Variants in ZNF749 observed in about 807,000 individuals in gnomAD.
The protein encoded by ZNF749 is zinc finger protein 749.
ZNF749 carries 8 observed loss-of-function variants against 7.3 expected under a neutral mutation model. The observed-to-expected ratio is 1.10, with a 90% CI of 0.64 to 1.98. The LOEUF (loss-of-function observed/expected upper bound fraction) is 1.98, where lower values mean the gene tolerates loss of function less well. ZNF749 is among the 30% of genes most tolerant of loss of function. ZNF749 has a pLI of 0.00. For synonymous variants in ZNF749, 310 were observed against 322.4 expected (o/e 0.96, Z 0.41); for missense variants, 898 against 932.4 (o/e 0.96, Z 0.48).
At position 57,445,549 on chromosome 19, in the gene ZNF749, G is replaced by T; in HGVS notation, c.*64G>T. The T allele has an allele frequency of 4.6e-6, 7 of 1,528,340 alleles. No individual in the cohort carries two copies. The highest frequency in any genetic ancestry group is 6.1e-6 in the Non-Finnish European group (7 of 1,142,616). The allele number at this position is 1,528,340 out of a possible 1,614,324, so 94.7% of individuals were successfully genotyped here. A position where few individuals can be genotyped will look rare whatever the true frequency, so the allele number is the denominator to read the frequency against. On this transcript the variant is annotated 3_prime_UTR_variant, in exon 3 of 3. Transcript: ENST00000334181. ...ATTCAGCACCAAAAGGTTCACATCGGACCAAGAACCTATTAATATATGTAA... is the reference window on the plus strand; with the variant it reads ...ATTCAGCACCAAAAGGTTCACATCGTACCAAGAACCTATTAATATATGTAA...
chr19:57,446,803 G>A lies in ZNF749; in HGVS notation c.*1318G>A, dbSNP rs2089070908. ...CCTCAGATATAAACCTTAACAGCAT[G>A]TTACAGTATTGAATATTGTAGGTAA... On this transcript the variant is annotated 3_prime_UTR_variant, in exon 3 of 3. Transcript: ENST00000334181. Among the ~76,000 whole-genome samples, 2 of 152,124 alleles carry A rather than the reference G, an allele frequency of 1.3e-5. No individual in the cohort carries two copies. Among genetic ancestry groups the A allele is most frequent in the African/African-American group, 4.8e-5 (2 of 41,416 alleles).
chr19:57,433,622 T>TC (rs2088910409), upstream of ZNF749, among the ~76,000 whole-genome samples: 1 of 151,800 alleles, frequency 6.6e-6, no homozygotes, highest in African/African-American at 2.4e-5. Flanking sequence ...TTTTTCCTTT[T>TC]TTTTTTTTTT....
Position 57,443,409 on chromosome 19 carries a change from G to A in ZNF749, c.261G>A (p.Lys87=). 2.5e-6 allele frequency: 4 copies of A among 1,614,252 alleles called. No homozygotes were observed. The highest frequency in any genetic ancestry group is 3.4e-6 in the Non-Finnish European group (4 of 1,180,040). The change falls in exon 3 of 3, where the codon AAG becomes AAA. Residue 87 remains lysine (K), a synonymous_variant. Coordinates refer to ENST00000334181, the MANE Select transcript of ZNF749 (RefSeq NM_001023561.4). ...ALSTLKAQPC[K]MCSSILKDIL... is the part of the protein sequence containing the mutation. ...CCACCCTGAAGGCCCAGCCCTGCAA[G>A]ATGTGTAGCTCAATTCTGAAGGACA...
At position 57,436,719 on chromosome 19, in the gene ZNF749, C is replaced by T. The variant is rs1441194626; in HGVS notation, c.15+1126C>T. On this transcript the variant is annotated intron_variant, in intron 1 of 2. Transcript: ENST00000334181. This position sits in a 1 kb window ranked among gnomAD's most constrained non-coding sequence, Gnocchi z 4.0. ...ACAGTTAAGGGCCTCCAGCAAGCTC[C>T]CTTTACTGCATTATATGGCAGGCTG... Among the ~76,000 whole-genome samples the T allele has an allele frequency of 6.6e-6, 1 of 152,222 alleles. No homozygotes were observed. Among genetic ancestry groups the T allele is most frequent in the East Asian group, 1.9e-4 (1 of 5,196 alleles).
intron 2 of ZNF749, among the ~76,000 whole-genome samples, chr19:57,443,042 A>C (rs2089008682): frequency 6.6e-6 from 1 of 152,156 alleles, no homozygotes; most frequent in African/African-American, 2.4e-5. Context: ...TAGAGGAGTG[A>C]GTTGGAGACC....
chr19:57,441,929 G>A lies in ZNF749; in HGVS notation c.60G>A (p.Glu20=). The A allele has an allele frequency of 6.2e-7, 1 of 1,614,150 alleles. No homozygotes were observed. The highest frequency in any genetic ancestry group is 8.5e-7 in the Non-Finnish European group (1 of 1,180,002). The change falls in exon 2 of 3, where the codon GAG becomes GAA. Residue 20 remains glutamate (E), a synonymous_variant. Coordinates refer to ENST00000334181, the MANE Select transcript of ZNF749 (RefSeq NM_001023561.4). ...ATGTGGCCATATATTTCTCCCAAGAGGAATGGGGGATCCTTAATGATGCTC... is the reference window on the plus strand; with the variant it reads ...ATGTGGCCATATATTTCTCCCAAGAAGAATGGGGGATCCTTAATGATGCTC... ...FEDVAIYFSQ[E]EWGILNDAQR... is the part of the protein sequence containing the mutation.
intron 2 of ZNF749, 142 bp from the exon 3 acceptor site, chr19:57,443,149 C>A: frequency 2.9e-6 from 2 of 688,866 alleles, no homozygotes; most frequent in Non-Finnish European, 4.9e-6. Context: ...GAACACTGGG[C>A]CTTCCTCTCA....
At chr19:57,432,080 G>A (rs919298196), upstream of ZNF749, among the ~76,000 whole-genome samples, 3 of 151,812 alleles carry the variant, frequency 2.0e-5, no homozygotes, top group African/African-American at 7.3e-5. Flanking sequence ...TGATCTGCCT[G>A]CCTCGGCCTC....
rs1477700841 is a variant in ZNF749 at position 57,444,009 on chromosome 19, A to C, written c.861A>C (p.Glu287Asp). ...TTTCAAAAAGGTCTGACCCCATTGAACATCAGGAGATTCTCAGTAGACCAA... is the reference window on the plus strand; with the variant it reads ...TTTCAAAAAGGTCTGACCCCATTGACCATCAGGAGATTCTCAGTAGACCAA... ...GFLSKRSDPI[E>D]HQEILSRPTP... Residue 287 changes from glutamate to aspartate, a missense_variant, in exon 3 of 3, where the codon GAA becomes GAC. Coordinates refer to ENST00000334181, the MANE Select transcript of ZNF749 (RefSeq NM_001023561.4). The C allele has an allele frequency of 1.9e-6, 3 of 1,613,964 alleles. No individual in the cohort carries two copies. Among genetic ancestry groups the C allele is most frequent in the Non-Finnish European group, 2.5e-6 (3 of 1,179,890 alleles).
intron 1 of ZNF749, among the ~76,000 whole-genome samples, chr19:57,437,334 T>C (rs1011559310): frequency 2.0e-5 from 3 of 152,158 alleles, no homozygotes; most frequent in Non-Finnish European, 4.4e-5. Flanking sequence ...TAATCAATAA[T>C]TTAAATGTAT....
At chr19:57,428,734 A>G in the ZNF749 span, among the ~76,000 whole-genome samples, 1 of 152,104 alleles carries the variant, frequency 6.6e-6, no homozygotes. Context: ...AAGATATTAG[A>G]CACTACCTTT....
intron 2 of ZNF749, among the ~76,000 whole-genome samples, chr19:57,443,002 C>T (rs1477437436): frequency 6.6e-6 from 1 of 152,200 alleles, no homozygotes; most frequent in East Asian, 1.9e-4. Context: ...GATCTGGACA[C>T]AACCGTCATG....
chr19:57,445,230 G>A lies in ZNF749; in HGVS notation c.2082G>A (p.Lys694=), dbSNP rs1173828187. 2 of 1,614,020 alleles carry A rather than the reference G, an allele frequency of 1.2e-6. No homozygotes were observed. The highest frequency in any genetic ancestry group is 1.7e-6 in the Non-Finnish European group (2 of 1,179,902). Residue 694 remains lysine, a synonymous_variant, in exon 3 of 3, where the codon AAG becomes AAA. Transcript: ENST00000334181. ...IKHHKVCTGE[K]PHECSKCREL... ...ATCATAAAGTTTGCACTGGGGAGAAGCCTCATGAGTGCAGTAAATGTAGGG... is the reference window on the plus strand; with the variant it reads ...ATCATAAAGTTTGCACTGGGGAGAAACCTCATGAGTGCAGTAAATGTAGGG...
At chr19:57,438,125 C>G (rs2088953204) in intron 1 of ZNF749, 1 of 398,868 alleles carries the variant, frequency 2.5e-6, no homozygotes, top group Admixed American at 4.4e-5. Flanking sequence ...GGGTCGTGAT[C>G]AACTCAGTAT....
At chr19:57,435,003 C>T (rs1002656212), upstream of ZNF749, among the ~76,000 whole-genome samples, 1 of 152,196 alleles carries the variant, frequency 6.6e-6, no homozygotes, top group Non-Finnish European at 1.5e-5. Context: ...TCAGACTTGT[C>T]CTAGACTGCT....
rs1297511491 is a variant in ZNF749 at position 57,436,015 on chromosome 19, G to T, written c.15+422G>T. Among the ~76,000 whole-genome samples the T allele has an allele frequency of 2.0e-5, 3 of 152,214 alleles. No homozygotes were observed. The highest frequency in any genetic ancestry group is 2.9e-5 in the Non-Finnish European group (2 of 68,026). On this transcript the variant is annotated intron_variant, in intron 1 of 2. Coordinates refer to ENST00000334181, the MANE Select transcript of ZNF749 (RefSeq NM_001023561.4). This position sits in a 1 kb window ranked among gnomAD's most constrained non-coding sequence, Gnocchi z 4.0. ...CGCTGAGGAGACCCCTTGAGTTATG[G>T]TAGGGCTGGGCCAGAGGGGTTGCAG...
In ZNF749 at chr19:57,441,901, A is replaced by T. The variant is rs767741694; in HGVS notation, c.32A>T (p.Glu11Val). The T allele has an allele frequency of 6.2e-7, 1 of 1,614,156 alleles. No homozygotes were observed. The highest frequency in any genetic ancestry group is 1.1e-5 in the South Asian group (1 of 91,082). The change falls in exon 2 of 3, where the codon GAG (glutamate) becomes GTG (valine). Residue 11 changes from glutamate to valine, a missense_variant. Physicochemically the swap from Glu to Val is moderately radical, Grantham distance 121. Coordinates refer to ENST00000334181, the MANE Select transcript of ZNF749 (RefSeq NM_001023561.4). Reference protein sequence around the residue: MNLTEDCMVFEDVAIYFSQEE... With the variant: MNLTEDCMVFVDVAIYFSQEE... ...TTTTGGCAGGATTGTATGGTCTTTG[A>T]GGATGTGGCCATATATTTCTCCCAA...
chr19:57,445,737 G>A lies in ZNF749; in HGVS notation c.*252G>A, dbSNP rs1018735593. On this transcript the variant is annotated 3_prime_UTR_variant, in exon 3 of 3. Transcript: ENST00000334181. ...TGAGGTCAGGAGTTTGAGACCAGCC[G>A]GGCCAACATGGTGAAGCCCCATCTC... 3.4e-4 allele frequency among the ~76,000 whole-genome samples: 51 copies of A among 152,040 alleles called. No homozygotes were observed. Among genetic ancestry groups the A allele is most frequent in the African/African-American group, 1.2e-3 (49 of 41,486 alleles).
chr19:57,437,729 A>G (rs1161245971), intron 1 of ZNF749, among the ~76,000 whole-genome samples: 2 of 151,964 alleles, frequency 1.3e-5, no homozygotes, highest in African/African-American at 4.8e-5. Context: ...GTCTCAAAAA[A>G]AAAAAAAAAA....
Sources: gnomAD v4.1 joint callset for allele counts (sites outside exome capture counted in the v4.1 genomes callset) on GRCh38, gnomAD v4.1.1 for gene constraint, Gnocchi (gnomAD v3.1) non-coding constraint, MANE v1.5 for transcripts, NCBI Gene and HGNC (gene_info 2026-07-23, HGNC 2026-07-21) for gene names.